TRABD2A: variants seen among roughly 807,000 people sequenced by gnomAD.
TRABD2A encodes the protein metalloprotease TIKI1.
In TRABD2A, 43 loss-of-function variants were observed where a neutral mutation model predicts 45.6. That is an observed-to-expected ratio of 0.94 (90% CI 0.74 to 1.22). The LOEUF is 1.22. Ranked by LOEUF, TRABD2A falls within the 50% of genes most tolerant of loss-of-function variation. TRABD2A has a pLI of 0.00. For synonymous variants in TRABD2A, 269 were observed against 265.0 expected, an observed-to-expected ratio of 1.02 and a Z score of -0.15; for missense variants, 642 against 652.4, an observed-to-expected ratio of 0.98 and a Z score of 0.17.
chr2:84,851,367 G>T (rs1682089406), intron 2 of TRABD2A, among the ~76,000 whole-genome samples: 1 of 152,186 alleles, frequency 6.6e-6, no homozygotes, highest in Admixed American at 6.5e-5. Flanking sequence ...GCCACCAGTG[G>T]GTGATGTCAC....
At chr2:84,864,326 TA>T (rs1479925186) in intron 2 of TRABD2A, among the ~76,000 whole-genome samples, 3 of 152,096 alleles carry the variant, frequency 2.0e-5, no homozygotes, top group Admixed American at 1.3e-4. Context: ...GAAGGTGATT[TA>T]TCAACTGCAG....
At chr2:84,832,335 A>G in intron 4 of TRABD2A, 190 bp from the exon 5 acceptor site, 1 of 594,248 alleles carries the variant, frequency 1.7e-6, no homozygotes, top group Non-Finnish European at 3.0e-6. Flanking sequence ...GGGCAGCATC[A>G]GTAGCATTTC....
rs1559081864 is a variant in TRABD2A, at chr2:84,822,117, AAGAC to A, written c.1335-21_1335-18del. The A allele has an allele frequency of 3.9e-6, 6 of 1,536,820 alleles. No individual in the cohort carries two copies. In the Admixed American group the frequency reaches 7.9e-5, roughly 20 times the overall value. The stretch of plus-strand genomic sequence containing the variant: ...ACTATGTCACTAGGAGGCAAAGAGA[AAGAC>A]AGAGTCTGAAGTCACAGCAGAAACC... On this transcript the variant is annotated intron_variant, in intron 6 of 6. Transcript: ENST00000409520.
chr2:84,848,418 A>ACAGG (rs1471857934), intron 2 of TRABD2A, among the ~76,000 whole-genome samples: 1 of 131,454 alleles, frequency 7.6e-6, no homozygotes, highest in African/African-American at 3.5e-5. Context: ...AGACAGATAG[A>ACAGG]TAGTCTCCAC....
chr2:84,846,968 A>G (rs12993644), intron 2 of TRABD2A, among the ~76,000 whole-genome samples: 38,727 of 152,148 alleles, frequency 0.25, 5,265 homozygotes, highest in African/African-American at 0.32. Context: ...TATCACCTGC[A>G]CTGCCCAGAC....
chr2:84,880,487 T>C (rs1683164182), intron 1 of TRABD2A, among the ~76,000 whole-genome samples: 2 of 152,162 alleles, frequency 1.3e-5, no homozygotes, highest in South Asian at 2.1e-4. Context: ...ACTGAACATA[T>C]GAAGGTTAAG....
At chr2:84,835,946 A>T (rs1470512647) in intron 4 of TRABD2A, 1 of 152,240 alleles carries the variant, frequency 6.6e-6, no homozygotes, top group East Asian at 1.9e-4. Flanking sequence ...AGTTTTAAGG[A>T]ACATTCAGAC....
At chr2:84,828,920 A>C (rs1681229372) in intron 5 of TRABD2A, among the ~76,000 whole-genome samples, 1 of 152,154 alleles carries the variant, frequency 6.6e-6, no homozygotes, top group African/African-American at 2.4e-5. Flanking sequence ...ATTCTGATAG[A>C]GAGAACTGGG....
intron 2 of TRABD2A, among the ~76,000 whole-genome samples, chr2:84,857,316 C>T (rs770164352): frequency 6.6e-5 from 10 of 152,212 alleles, no homozygotes; most frequent in Non-Finnish European, 1.3e-4. Context: ...CAGAAGGTCT[C>T]CATTCTTGTA....
At chr2:84,868,084 G>A (rs959736024) in intron 2 of TRABD2A, among the ~76,000 whole-genome samples, 1 of 152,142 alleles carries the variant, frequency 6.6e-6, no homozygotes, top group African/African-American at 2.4e-5. Context: ...GCCATTACTG[G>A]TTATATACCC....
At position 84,856,263 on chromosome 2, in the gene TRABD2A, G is replaced by GACCT. The variant is rs1336581413; in HGVS notation, c.669+13961_669+13962insAGGT. ...CTCACCTAGGTCTCCGTGCAGTGGG[G>GACCT]AGGTCCTTCTCAGGCTCATTTTCTA... On this transcript the variant is annotated intron_variant, in intron 2 of 6. Transcript: ENST00000409520. 2.6e-5 allele frequency among the ~76,000 whole-genome samples: 4 copies of GACCT among 152,030 alleles called. 1 individual carries two copies. In the East Asian group the frequency reaches 7.7e-4, roughly 29 times the overall value.
rs775465259 is a variant in TRABD2A at position 84,870,402 on chromosome 2, C to A, written c.492G>T (p.Arg164Ser). Reference sequence around the variant, plus strand: ...TGACCATGAGCATCACCCAGACAGGCCTCTTGCGCTCCCAGTTTCCGGCAA... The same window carrying A: ...TGACCATGAGCATCACCCAGACAGGACTCTTGCGCTCCCAGTTTCCGGCAA... ...NAIAGNWERK[R>S]PVWVMLMVNS... Residue 164 changes from arginine to serine, a missense_variant, in exon 2 of 7, where the codon AGG becomes AGT. Physicochemically the swap from Arg to Ser is moderately radical, Grantham distance 110 (BLOSUM62 -1). Coordinates refer to ENST00000409520, the MANE Select transcript of TRABD2A (RefSeq NM_001277053.2). 6.2e-6 allele frequency: 10 copies of A among 1,614,030 alleles called. No individual in the cohort carries two copies. In the Admixed American group the frequency reaches 8.3e-5, roughly 13 times the overall value.
intron 2 of TRABD2A, among the ~76,000 whole-genome samples, chr2:84,861,463 G>T (rs1011307574): frequency 6.6e-6 from 1 of 152,126 alleles, no homozygotes; most frequent in Non-Finnish European, 1.5e-5. Context: ...TAGGCTTCAT[G>T]CTCCTATAAG....
At chr2:84,839,874 G>A (rs1381150160) in intron 3 of TRABD2A, among the ~76,000 whole-genome samples, 1 of 152,150 alleles carries the variant, frequency 6.6e-6, no homozygotes, top group Non-Finnish European at 1.5e-5. Context: ...TGGTATACAT[G>A]TTAGCCAGTT....
At chr2:84,878,699 G>T (rs567780818) in intron 1 of TRABD2A, among the ~76,000 whole-genome samples, 1 of 152,262 alleles carries the variant, frequency 6.6e-6, no homozygotes, top group East Asian at 1.9e-4. Flanking sequence ...AACCAAACCA[G>T]CTCTCAAGGC....
Position 84,823,957 on chromosome 2 carries a change from C to A in TRABD2A, c.1330G>T (p.Glu444Ter). 6.2e-7 allele frequency: 1 copy of A among 1,613,694 alleles called. No homozygotes were observed. Residue 444 changes from glutamate to a stop codon, truncating the protein, a stop_gained, in exon 6 of 7, where the codon GAG becomes TAG. Coordinates refer to ENST00000409520, the MANE Select transcript of TRABD2A (RefSeq NM_001277053.2). LOFTEE classifies it low-confidence loss of function (END_TRUNC). Reference protein sequence around the residue: ...QFSDLWVRLEESDIVPQLQVP... With the variant: ...QFSDLWVRLE ...GACCCAGCCTACTCGCCTGACCTCTCCTCCAGGCGGACCCACAGATCGCTG... is the reference window on the plus strand; with the variant it reads ...GACCCAGCCTACTCGCCTGACCTCTACTCCAGGCGGACCCACAGATCGCTG...
chr2:84,880,026 A>T (rs1683151802), intron 1 of TRABD2A, among the ~76,000 whole-genome samples: 1 of 118,802 alleles, frequency 8.4e-6, no homozygotes, highest in Non-Finnish European at 1.6e-5. Context: ...CGGGCGCACC[A>T]GAAGGATAAG....
At chr2:84,865,588 A>C (rs1422540011) in intron 2 of TRABD2A, among the ~76,000 whole-genome samples, 1 of 152,234 alleles carries the variant, frequency 6.6e-6, no homozygotes, top group Non-Finnish European at 1.5e-5. Context: ...GCCCAAGCCA[A>C]GATGTGACTG....
At chr2:84,847,809 C>T (rs1031205288) in intron 2 of TRABD2A, among the ~76,000 whole-genome samples, 1 of 152,204 alleles carries the variant, frequency 6.6e-6, no homozygotes, top group Admixed American at 6.5e-5. Context: ...TGTATTGCCT[C>T]ACCATTCTGG....
Sources: allele counts gnomAD v4.1 joint callset (sites outside exome capture counted in the v4.1 genomes callset), GRCh38; gene constraint gnomAD v4.1.1; transcripts MANE v1.5; gene names NCBI Gene and HGNC (gene_info 2026-07-23, HGNC 2026-07-21).